ME3: variants seen among roughly 807,000 people sequenced by gnomAD.
The protein encoded by ME3 is malic enzyme 3.
In ME3, 48 loss-of-function variants were observed where a neutral mutation model predicts 68.9. The observed-to-expected ratio is 0.70, with a 90% CI of 0.55 to 0.89. The LOEUF (loss-of-function observed/expected upper bound fraction) is 0.89. ME3 is among the 40% of genes least tolerant of loss of function. The probability of loss-of-function intolerance (pLI) is 0.00; values close to 1 mark genes in which losing one functional copy is unlikely to be tolerated. For missense variants in ME3, 675 were observed against 797.4 expected (o/e 0.85, Z 1.85); for synonymous variants, 320 against 318.8 (o/e 1.00, Z -0.04).
intron 7 of ME3, among the ~76,000 whole-genome samples, chr11:86,482,305 G>C (rs965184661): frequency 5.3e-5 from 8 of 152,166 alleles, no homozygotes; most frequent in Non-Finnish European, 1.0e-4. Context: ...AGCTCTCTGA[G>C]AGGAGGACTG....
At chr11:86,671,854 C>A (rs371263963) in exon 2 of ME3, 1 of 1,583,500 alleles carries the variant, frequency 6.3e-7, no homozygotes, top group East Asian at 2.4e-5. Context: ...CAGCCTTGGG[C>A]GGGCGCGGTG....
chr11:86,653,613 T>C (rs1429289018), intron 2 of ME3, among the ~76,000 whole-genome samples: 1 of 152,206 alleles, frequency 6.6e-6, no homozygotes, highest in Non-Finnish European at 1.5e-5. Context: ...GAGGGAAATT[T>C]ATAGCACTAA....
At chr11:86,648,912 C>T (rs972253054) in intron 2 of ME3, among the ~76,000 whole-genome samples, 3 of 152,148 alleles carry the variant, frequency 2.0e-5, no homozygotes, top group South Asian at 4.1e-4. Context: ...TGGTACCATT[C>T]CTTCTAAAAC....
chr11:86,440,839 T>A (rs1416636923), downstream of ME3, among the ~76,000 whole-genome samples: 1 of 152,208 alleles, frequency 6.6e-6, no homozygotes, highest in East Asian at 1.9e-4. Context: ...CCCTGAAGCC[T>A]TCTCTTACAT....
intron 2 of ME3, among the ~76,000 whole-genome samples, chr11:86,623,748 T>C (rs923389691): frequency 2.6e-5 from 4 of 152,236 alleles, no homozygotes; most frequent in African/African-American, 9.6e-5. Flanking sequence ...TATTTCACAG[T>C]TACCTCTGAG....
intron 2 of ME3, among the ~76,000 whole-genome samples, chr11:86,622,162 T>C (rs114180972): frequency 3.3e-5 from 5 of 152,160 alleles, no homozygotes; most frequent in African/African-American, 1.2e-4. Context: ...ATACCTTTCA[T>C]GGATCCAGTC....
At chr11:86,565,280 G>A (rs1275996667) in intron 2 of ME3, among the ~76,000 whole-genome samples, 1 of 152,194 alleles carries the variant, frequency 6.6e-6, no homozygotes, top group Non-Finnish European at 1.5e-5. Flanking sequence ...TACATTGCTG[G>A]TGAGAATGTA....
chr11:86,627,808 G>A (rs552710825), intron 2 of ME3, among the ~76,000 whole-genome samples: 25 of 152,338 alleles, frequency 1.6e-4, no homozygotes, highest in African/African-American at 5.5e-4. Flanking sequence ...AGCACAGGAA[G>A]CTGAATGTGG....
intron 2 of ME3, among the ~76,000 whole-genome samples, chr11:86,620,550 G>A (rs1004304293): frequency 1.3e-5 from 2 of 152,186 alleles, no homozygotes; most frequent in Non-Finnish European, 1.5e-5. Context: ...GAGTTAGTAT[G>A]TGAAATCAGA....
intron 4 of ME3, among the ~76,000 whole-genome samples, chr11:86,517,560 A>G (rs1326334418): frequency 6.6e-6 from 1 of 152,176 alleles, no homozygotes; most frequent in Non-Finnish European, 1.5e-5. Flanking sequence ...AGCTCTGATT[A>G]AAGTAGAAGT....
Position 86,446,993 on chromosome 11 carries a change from C to T in ME3, c.1380+72G>A. ...ATCAGCGATGTAGGAGTATTTTTCACCCTCATGAGGTTACTCATTGTAATT... is the reference window on the plus strand; with the variant it reads ...ATCAGCGATGTAGGAGTATTTTTCATCCTCATGAGGTTACTCATTGTAATT... On this transcript the variant is annotated intron_variant, in intron 12 of 14. Transcript: ENST00000543262. 5.2e-6 allele frequency: 8 copies of T among 1,537,584 alleles called. No individual in the cohort carries two copies. The South Asian group carries it at 9.9e-5, about 19-fold the overall frequency.
chr11:86,446,398 A>T (rs746743968), exon 13 of ME3: 6 of 1,614,068 alleles, frequency 3.7e-6, no homozygotes, highest in African/African-American at 1.3e-5. Flanking sequence ...GGAACACGTA[A>T]GCATTGTTTC....
chr11:86,475,872 TATAG>T (rs1167173465), intron 7 of ME3, among the ~76,000 whole-genome samples: 359 of 103,712 alleles, frequency 3.5e-3, no homozygotes, highest in East Asian at 0.019. Context: ...TATATATATA[TATAG>T]AGAGAGAGAG....
rs185633252 is a variant in ME3, at chr11:86,600,264, C to G, written c.184-40441G>C. Among the ~76,000 whole-genome samples, 288 of 152,202 alleles carry G rather than the reference C, an allele frequency of 1.9e-3. 1 individual carries two copies. Among genetic ancestry groups the G allele is most frequent in the Middle Eastern group, 0.01 (3 of 294 alleles). ...AATAAAAGGATGGAGGAAGATCTAT[C>G]AAGCAAATGGAAAACAAAAAAGGCA... On this transcript the variant is annotated intron_variant, in intron 2 of 14. Coordinates refer to ENST00000543262, the Ensembl canonical transcript of ME3.
intron 2 of ME3, among the ~76,000 whole-genome samples, chr11:86,561,016 C>T (rs1241724266): frequency 1.3e-5 from 2 of 151,850 alleles, no homozygotes; most frequent in African/African-American, 4.8e-5. Flanking sequence ...ATTTTCATCA[C>T]ATCAGACCAG....
chr11:86,451,810 G>A (rs1347044407), intron 8 of ME3, among the ~76,000 whole-genome samples: 2 of 152,188 alleles, frequency 1.3e-5, no homozygotes, highest in South Asian at 2.1e-4. Context: ...CAGACAGCAA[G>A]GCTTTTAATC....
At chr11:86,672,285 C>T (rs1385076316) in intron 1 of ME3, 39 bp downstream of exon 1, 1 of 249,020 alleles carries the variant, frequency 4.0e-6, no homozygotes, top group African/African-American at 2.2e-5. Flanking sequence ...CCTAATCCCG[C>T]GTGGTGGCTT....
chr11:86,574,397 CGGGG>C (rs376489722), intron 2 of ME3, among the ~76,000 whole-genome samples: 3 of 58,042 alleles, frequency 5.2e-5, no homozygotes, highest in African/African-American at 5.0e-5. Context: ...TATTTGTTGC[CGGGG>C]GGGGGGGGGG....
intron 2 of ME3, among the ~76,000 whole-genome samples, chr11:86,631,934 T>C (rs986686586): frequency 6.6e-6 from 1 of 152,154 alleles, no homozygotes; most frequent in Non-Finnish European, 1.5e-5. Context: ...GGTTTCATCA[T>C]GTTGGCCAGG....
Sources: allele counts gnomAD v4.1 joint callset (sites outside exome capture counted in the v4.1 genomes callset), GRCh38; gene constraint gnomAD v4.1.1; transcripts MANE v1.5; gene names NCBI Gene and HGNC (gene_info 2026-07-23, HGNC 2026-07-21).